Variants in KIRREL3 observed in about 807,000 individuals in gnomAD.
The protein encoded by KIRREL3 is kin of IRRE-like protein 3.
In KIRREL3, 36 loss-of-function variants were observed where a neutral mutation model predicts 89.7. The observed-to-expected ratio is 0.40, with a 90% CI of 0.31 to 0.53. The LOEUF is 0.53. KIRREL3 is among the 20% of genes least tolerant of loss of function. The pLI is 0.49. For missense variants in KIRREL3, 864 were observed against 1,056.6 expected (o/e 0.82, Z 2.53); for synonymous variants, 445 against 441.4 (o/e 1.01, Z -0.10).
rs183091753 is a variant in KIRREL3, at chr11:126,744,659, C to A, written c.56-181747G>T. ...TCCAGGCTAAGCCAGGGCTCCCTGG[C>A]GTGTGCCCCATGGTGCTGGCAATAG... On this transcript the variant is annotated intron_variant, in intron 1 of 16. Transcript: ENST00000525144. The surrounding 1 kb of genome is among the most constrained non-coding windows in gnomAD (Gnocchi z 4.7). 1.3e-5 allele frequency among the ~76,000 whole-genome samples: 2 copies of A among 152,292 alleles called. No individual in the cohort carries two copies. The highest frequency in any genetic ancestry group is 6.5e-5 in the Admixed American group (1 of 15,302).
chr11:126,922,444 C>T (rs1947389167), intron 1 of KIRREL3, among the ~76,000 whole-genome samples: 1 of 152,128 alleles, frequency 6.6e-6, no homozygotes. Flanking sequence ...GTATTTCCTC[C>T]ATGTCCATCT....
intron 1 of KIRREL3, among the ~76,000 whole-genome samples, chr11:126,910,767 A>G (rs1946784183): frequency 6.6e-6 from 1 of 152,194 alleles, no homozygotes; most frequent in Non-Finnish European, 1.5e-5. Flanking sequence ...GTCCCTCTTT[A>G]TTCTGATATA....
intron 1 of KIRREL3, among the ~76,000 whole-genome samples, chr11:126,889,501 A>G (rs80201651): frequency 1.3e-5 from 2 of 151,410 alleles, no homozygotes; most frequent in Non-Finnish European, 2.9e-5. Context: ...TTCTTCTTGG[A>G]AAAAAAAAGG....
At position 126,802,288 on chromosome 11, in the gene KIRREL3, G is replaced by A. The variant is rs1415783542; in HGVS notation, c.55+198167C>T. Among the ~76,000 whole-genome samples the A allele has an allele frequency of 1.3e-5, 2 of 152,266 alleles. No individual in the cohort carries two copies. The highest frequency in any genetic ancestry group is 3.9e-4 in the East Asian group (2 of 5,168). ...GGAGTGGGCCATGGTCAAGGCAGGT[G>A]GGGGCAGAAACAAAGGAAAAGCAGC... On this transcript the variant is annotated intron_variant, in intron 1 of 16. Coordinates refer to ENST00000525144, the MANE Select transcript of KIRREL3 (RefSeq NM_032531.4). The surrounding 1 kb of genome is among the most constrained non-coding windows in gnomAD (Gnocchi z 5.2).
chr11:126,638,293 A>T (rs1465388275), intron 1 of KIRREL3, among the ~76,000 whole-genome samples: 1 of 152,212 alleles, frequency 6.6e-6, no homozygotes, highest in Non-Finnish European at 1.5e-5. Flanking sequence ...TTCTTAAAGA[A>T]TCTAAATCTC....
intron 11 of KIRREL3, 110 bp from the exon 12 acceptor site, chr11:126,437,119 CACTA>C: frequency 5.0e-6 from 5 of 1,001,842 alleles, no homozygotes; most frequent in East Asian, 5.4e-5. Flanking sequence ...CACTGCCACA[CACTA>C]ACACATGTGC....
In KIRREL3 at chr11:126,746,104, T is replaced by C. The variant is rs1211536510; in HGVS notation, c.56-183192A>G. Reference sequence around the variant, plus strand: ...TCTTTGTGGACTTCTACCCACCCTTTAAATGTTGGTGGTCCCTGAGGGTCC... The same window carrying C: ...TCTTTGTGGACTTCTACCCACCCTTCAAATGTTGGTGGTCCCTGAGGGTCC... On this transcript the variant is annotated intron_variant, in intron 1 of 16. Coordinates refer to ENST00000525144, the MANE Select transcript of KIRREL3 (RefSeq NM_032531.4). Among the ~76,000 whole-genome samples the C allele has an allele frequency of 2.6e-5, 4 of 152,210 alleles. No homozygotes were observed. The East Asian group carries it at 7.7e-4, about 29-fold the overall frequency.
Position 126,424,173 on chromosome 11 carries a change from T to A in KIRREL3, c.*407A>T. On this transcript the variant is annotated 3_prime_UTR_variant, in exon 17 of 17. Coordinates refer to ENST00000525144, the MANE Select transcript of KIRREL3 (RefSeq NM_032531.4). Reference sequence around the variant, plus strand: ...CTGTATGGGAGCACAGGCACAGGGGTAGGTAGAGCTTCTGGTCAGCGAGGG... The same window carrying A: ...CTGTATGGGAGCACAGGCACAGGGGAAGGTAGAGCTTCTGGTCAGCGAGGG... 4.1e-6 allele frequency: 1 copy of A among 243,372 alleles called. No individual in the cohort carries two copies. The highest frequency in any genetic ancestry group is 6.3e-5 in the South Asian group (1 of 15,864). 15.1% of individuals were successfully genotyped at this position (243,372 alleles called of 1,614,324 possible).
chr11:126,733,092 C>T (rs1377050194), intron 1 of KIRREL3, among the ~76,000 whole-genome samples: 1 of 152,214 alleles, frequency 6.6e-6, no homozygotes, highest in African/African-American at 2.4e-5. Flanking sequence ...GTGCAACCCT[C>T]CAATTCAAAA....
rs901965714 is a variant in KIRREL3, at chr11:126,615,949, C to A, written c.56-53037G>T. Among the ~76,000 whole-genome samples, 1 of 152,038 alleles carries A rather than the reference C, an allele frequency of 6.6e-6. No homozygotes were observed. The highest frequency in any genetic ancestry group is 6.6e-5 in the Admixed American group (1 of 15,258). ...GGACAGGACAGGATGGAGGGAGGAG[C>A]CCTGGGTGTGTGTGTGTGGGGTGCG... On this transcript the variant is annotated intron_variant, in intron 1 of 16. Transcript: ENST00000525144. This position sits in a 1 kb window ranked among gnomAD's most constrained non-coding sequence, Gnocchi z 5.4.
chr11:126,657,229 G>A (rs1945183309), intron 1 of KIRREL3, among the ~76,000 whole-genome samples: 1 of 138,884 alleles, frequency 7.2e-6, no homozygotes, highest in Non-Finnish European at 1.5e-5. Flanking sequence ...AGAATAAAAT[G>A]AGAATTCCAA....
rs1306007879 is a variant in KIRREL3, at chr11:126,883,131, C to T, written c.55+117324G>A. On this transcript the variant is annotated intron_variant, in intron 1 of 16. Transcript: ENST00000525144. The surrounding 1 kb of genome is among the most constrained non-coding windows in gnomAD (Gnocchi z 4.1). The stretch of plus-strand genomic sequence containing the variant: ...TTACTTTAATTCACTTTGCCTTTCT[C>T]TTCTGAAAATTAATTGAGTCAGATA... Among the ~76,000 whole-genome samples the T allele has an allele frequency of 2.6e-5, 4 of 152,320 alleles. No homozygotes were observed. In the East Asian group the frequency reaches 7.7e-4, roughly 29 times the overall value.
chr11:126,878,946 T>C (rs1439792043), intron 1 of KIRREL3, among the ~76,000 whole-genome samples: 5 of 151,936 alleles, frequency 3.3e-5, no homozygotes, highest in Non-Finnish European at 5.9e-5. Flanking sequence ...AGGGCTCAGG[T>C]GAAAAGGAAA....
chr11:126,786,750 TGG>T (rs1950499447), intron 1 of KIRREL3, among the ~76,000 whole-genome samples: 1 of 152,204 alleles, frequency 6.6e-6, no homozygotes, highest in African/African-American at 2.4e-5. Context: ...CCGGGCTCCT[TGG>T]GCTGAAACCA....
chr11:126,896,601 G>C lies in KIRREL3; in HGVS notation c.55+103854C>G, dbSNP rs900931594. Among the ~76,000 whole-genome samples, 3 of 147,012 alleles carry C rather than the reference G, an allele frequency of 2.0e-5. No homozygotes were observed. The highest frequency in any genetic ancestry group is 6.7e-5 in the Admixed American group (1 of 14,876). ...TAGAAAGCTGTGTAGAGAACGTGGG[G>C]CCTGTCCATGGGCTTCAGTGCCCAC... On this transcript the variant is annotated intron_variant, in intron 1 of 16. Transcript: ENST00000525144. The surrounding 1 kb of genome is among the most constrained non-coding windows in gnomAD (Gnocchi z 4.1).
chr11:126,506,988 G>A (rs1269838333), intron 4 of KIRREL3, among the ~76,000 whole-genome samples: 1 of 152,150 alleles, frequency 6.6e-6, no homozygotes, highest in Non-Finnish European at 1.5e-5. Context: ...CTGGCGAATG[G>A]ATAAACAGAA....
At chr11:126,813,640 A>C (rs1274869779) in intron 1 of KIRREL3, among the ~76,000 whole-genome samples, 1 of 152,208 alleles carries the variant, frequency 6.6e-6, no homozygotes, top group East Asian at 1.9e-4. Flanking sequence ...ATTAGGACCC[A>C]GGAGCACAGA....
At chr11:126,859,389 G>A (rs542576711) in intron 1 of KIRREL3, among the ~76,000 whole-genome samples, 11 of 152,302 alleles carry the variant, frequency 7.2e-5, no homozygotes, top group Non-Finnish European at 1.2e-4. Context: ...AGCTTGGATT[G>A]GACCAAGGCA....
chr11:126,730,223 G>A (rs1412367747), intron 1 of KIRREL3, among the ~76,000 whole-genome samples: 1 of 152,190 alleles, frequency 6.6e-6, no homozygotes, highest in Non-Finnish European at 1.5e-5. Flanking sequence ...ACCCACTGCC[G>A]ACTAGCCCCA....
Sources: gnomAD v4.1 joint callset for allele counts (sites outside exome capture counted in the v4.1 genomes callset) on GRCh38, gnomAD v4.1.1 for gene constraint, Gnocchi (gnomAD v3.1) non-coding constraint, MANE v1.5 for transcripts, NCBI Gene and HGNC (gene_info 2026-07-23, HGNC 2026-07-21) for gene names.